Variants in B3GNT5 observed in about 807,000 individuals in gnomAD.
The protein encoded by B3GNT5 is lactosylceramide 1,3-N-acetyl-beta-D-glucosaminyltransferase.
B3GNT5 carries 11 observed loss-of-function variants against 25.9 expected under a neutral mutation model. That is an observed-to-expected ratio of 0.42 (90% CI 0.27 to 0.70). The LOEUF (loss-of-function observed/expected upper bound fraction) is 0.70, where lower values mean the gene tolerates loss of function less well. Ranked by LOEUF, B3GNT5 falls within the 30% of genes least tolerant of loss-of-function variation. The pLI is 0.23. For synonymous variants in B3GNT5, 166 were observed against 158.6 expected, an observed-to-expected ratio of 1.05 and a Z score of -0.35; for missense variants, 385 against 458.4, an observed-to-expected ratio of 0.84 and a Z score of 1.46.
rs866378772 is a variant in B3GNT5, at chr3:183,269,719, C to T, written c.-80C>T. Reference sequence around the variant, plus strand: ...TGTATTAAGATGGACACCTACTCTACGAAACACGAAGTTCTATGGTCTCGA... The same window carrying T: ...TGTATTAAGATGGACACCTACTCTATGAAACACGAAGTTCTATGGTCTCGA... On this transcript the variant is annotated 5_prime_UTR_variant, in exon 2 of 2. It adds an upstream start codon to the 5' untranslated region. Transcript: ENST00000326505. The T allele has an allele frequency of 4.5e-5, 60 of 1,327,236 alleles. No homozygotes were observed. The highest frequency in any genetic ancestry group is 1.4e-4 in the East Asian group (6 of 43,104). 82.2% of individuals were successfully genotyped at this position (1,327,236 alleles called of 1,614,324 possible).
At position 183,272,824 on chromosome 3, in the gene B3GNT5, T is replaced by C. The variant is rs935424718; in HGVS notation, c.*1889T>C. Reference sequence around the variant, plus strand: ...TACTTGGAAGTGTTTAAGGTTGCCATTGGTTGAAAACATAAGTGTCTCTGG... The same window carrying C: ...TACTTGGAAGTGTTTAAGGTTGCCACTGGTTGAAAACATAAGTGTCTCTGG... On this transcript the variant is annotated 3_prime_UTR_variant, in exon 2 of 2. Coordinates refer to ENST00000326505, the MANE Select transcript of B3GNT5 (RefSeq NM_032047.5). 146 of 1,218,434 alleles carry C rather than the reference T, an allele frequency of 1.2e-4. No individual in the cohort carries two copies. The highest frequency in any genetic ancestry group is 1.4e-4 in the Non-Finnish European group (140 of 966,870). 75.5% of individuals were successfully genotyped at this position (1,218,434 alleles called of 1,614,324 possible). A position where few individuals can be genotyped will look rare whatever the true frequency, so the allele number is the denominator to read the frequency against.
intron 1 of B3GNT5, among the ~76,000 whole-genome samples, chr3:183,262,629 A>G (rs140996846): frequency 6.7e-6 from 1 of 149,748 alleles, no homozygotes; most frequent in Non-Finnish European, 1.5e-5. Flanking sequence ...GCCCATGAGG[A>G]GGCGGCCCAG....
In B3GNT5 at chr3:183,270,120, A is replaced by C. The variant is rs1203698833; in HGVS notation, c.322A>C (p.Arg108=). The C allele has an allele frequency of 6.2e-7, 1 of 1,614,230 alleles. No homozygotes were observed. The highest frequency in any genetic ancestry group is 8.5e-7 in the Non-Finnish European group (1 of 1,180,038). The part of the protein sequence containing the change: ...PENYDRRSGI[R]RTWGNENYVR... ...AAACTATGATCGACGTTCCGGAATT[A>C]GAAGGACGTGGGGCAATGAAAATTA... The change falls in exon 2 of 2, where the codon AGA becomes CGA. Residue 108 remains arginine (R), a synonymous_variant. Coordinates refer to ENST00000326505, the MANE Select transcript of B3GNT5 (RefSeq NM_032047.5). This position sits in a 1 kb window ranked among gnomAD's most constrained non-coding sequence, Gnocchi z 4.5.
chr3:183,270,517 C>G lies in B3GNT5; in HGVS notation c.719C>G (p.Ser240Cys). ...IRDKSSKYYV[S>C]YEMYQWPAYP... is the part of the protein sequence containing the mutation. Reference sequence around the variant, plus strand: ...GATAAAAGCAGCAAATACTACGTGTCCTATGAAATGTACCAGTGGCCAGCT... The same window carrying G: ...GATAAAAGCAGCAAATACTACGTGTGCTATGAAATGTACCAGTGGCCAGCT... Residue 240 changes from serine to cysteine, a missense_variant, in exon 2 of 2, where the codon TCC (serine) becomes TGC (cysteine). By Grantham distance (112) the Ser-to-Cys change is moderately radical (BLOSUM62 -1). Transcript: ENST00000326505. This position sits in a 1 kb window ranked among gnomAD's most constrained non-coding sequence, Gnocchi z 4.5. 6.2e-7 allele frequency: 1 copy of G among 1,614,146 alleles called. No individual in the cohort carries two copies. The highest frequency in any genetic ancestry group is 8.5e-7 in the Non-Finnish European group (1 of 1,180,014).
rs528156182 is a variant in B3GNT5 at position 183,272,775 on chromosome 3, G to T, written c.*1840G>T. 10 of 1,109,890 alleles carry T rather than the reference G, an allele frequency of 9.0e-6. No individual in the cohort carries two copies. The South Asian group carries it at 3.4e-4, about 38-fold the overall frequency. 68.8% of individuals were successfully genotyped at this position (1,109,890 alleles called of 1,614,324 possible). The stretch of plus-strand genomic sequence containing the variant: ...ATTGATTAATGATGTATTGCCTTTT[G>T]CCCATATATACCCTGTGTATCTATA... On this transcript the variant is annotated 3_prime_UTR_variant, in exon 2 of 2. Transcript: ENST00000326505.
Position 183,270,916 on chromosome 3 carries a change from G to T in B3GNT5, c.1118G>T (p.Cys373Phe). 6.3e-7 allele frequency: 1 copy of T among 1,582,354 alleles called. No homozygotes were observed. The highest frequency in any genetic ancestry group is 8.6e-7 in the Non-Finnish European group (1 of 1,167,772). Residue 373 changes from cysteine to phenylalanine, a missense_variant, in exon 2 of 2, where the codon TGT becomes TTT. Transcript: ENST00000326505. This position sits in a 1 kb window ranked among gnomAD's most constrained non-coding sequence, Gnocchi z 4.5. ...CKISYVDTYP[C>F]RAAFI is the part of the protein sequence containing the mutation. ...ATTAGCTATGTGGACACATACCCTTGTAGGGCTGCGTTTATCTAATAGTAC... is the reference window on the plus strand; with the variant it reads ...ATTAGCTATGTGGACACATACCCTTTTAGGGCTGCGTTTATCTAATAGTAC...
Position 183,273,361 on chromosome 3 carries a change from T to G in B3GNT5, c.*2426T>G, listed in dbSNP as rs1028674688. On this transcript the variant is annotated 3_prime_UTR_variant, in exon 2 of 2. Transcript: ENST00000326505. Reference sequence around the variant, plus strand: ...TAGTGAGTTTAAAAAAAATCTATAGTTTCCAATAAACAACTGAAAAATTAT... The same window carrying G: ...TAGTGAGTTTAAAAAAAATCTATAGGTTCCAATAAACAACTGAAAAATTAT... 4.6e-6 allele frequency: 1 copy of G among 216,528 alleles called. No homozygotes were observed. The highest frequency in any genetic ancestry group is 2.3e-5 in the African/African-American group (1 of 43,526). 13.4% of individuals were successfully genotyped at this position (216,528 alleles called of 1,614,324 possible). A position where few individuals can be genotyped will look rare whatever the true frequency, so the allele number is the denominator to read the frequency against.
Position 183,269,726 on chromosome 3 carries a change from C to T in B3GNT5, c.-73C>T. 2.2e-6 allele frequency: 3 copies of T among 1,377,380 alleles called. No homozygotes were observed. Among genetic ancestry groups the T allele is most frequent in the Non-Finnish European group, 3.0e-6 (3 of 1,009,314 alleles). 85.3% of individuals were successfully genotyped at this position (1,377,380 alleles called of 1,614,324 possible). ...AGATGGACACCTACTCTACGAAACACGAAGTTCTATGGTCTCGAAGAAGCC... is the reference window on the plus strand; with the variant it reads ...AGATGGACACCTACTCTACGAAACATGAAGTTCTATGGTCTCGAAGAAGCC... On this transcript the variant is annotated 5_prime_UTR_variant, in exon 2 of 2. The change creates a new upstream start codon in the 5' untranslated region. Coordinates refer to ENST00000326505, the MANE Select transcript of B3GNT5 (RefSeq NM_032047.5).
chr3:183,263,649 A>AT (rs1333351360), intron 1 of B3GNT5, among the ~76,000 whole-genome samples: 1 of 151,932 alleles, frequency 6.6e-6, no homozygotes, highest in African/African-American at 2.4e-5. Context: ...ACCCACCTGG[A>AT]TCTCTCCAGT....
chr3:183,255,920 A>G (rs1413838540), intron 1 of B3GNT5, among the ~76,000 whole-genome samples: 1 of 152,124 alleles, frequency 6.6e-6, no homozygotes, highest in Non-Finnish European at 1.5e-5. Flanking sequence ...CACTTTGGCT[A>G]GAATCATTGC....
chr3:183,257,974 T>TC (rs1313320434), intron 1 of B3GNT5, among the ~76,000 whole-genome samples: 1 of 139,652 alleles, frequency 7.2e-6, no homozygotes, highest in Non-Finnish European at 1.5e-5. Context: ...TTTTTTTTTT[T>TC]TTTTTTTTTT....
Position 183,271,068 on chromosome 3 carries a change from T to C in B3GNT5, c.*133T>C. 1.2e-6 allele frequency: 1 copy of C among 805,816 alleles called. No individual in the cohort carries two copies. Among genetic ancestry groups the C allele is most frequent in the Non-Finnish European group, 1.9e-6 (1 of 539,582 alleles). The allele number at this position is 805,816 out of a possible 1,614,324, so 49.9% of individuals were successfully genotyped here. The stretch of plus-strand genomic sequence containing the variant: ...ATTTTGAAAGCCTAGTCCATCAGAA[T>C]GTTTCTTTGATTCTAGAAGCTGTTT... On this transcript the variant is annotated 3_prime_UTR_variant, in exon 2 of 2. Coordinates refer to ENST00000326505, the MANE Select transcript of B3GNT5 (RefSeq NM_032047.5).
Position 183,272,370 on chromosome 3 carries a change from G to T in B3GNT5, c.*1435G>T, listed in dbSNP as rs1476844304. On this transcript the variant is annotated 3_prime_UTR_variant, in exon 2 of 2. Transcript: ENST00000326505. ...TCACTCTAAGGCCTTTGACTGCAGAGGCACCTGTTAGGGAAAATCAGATGT... is the reference window on the plus strand; with the variant it reads ...TCACTCTAAGGCCTTTGACTGCAGATGCACCTGTTAGGGAAAATCAGATGT... 10 of 1,000,112 alleles carry T rather than the reference G, an allele frequency of 1.0e-5. No homozygotes were observed. Among genetic ancestry groups the T allele is most frequent in the Non-Finnish European group, 1.2e-5 (10 of 830,006 alleles). 62.0% of individuals were successfully genotyped at this position (1,000,112 alleles called of 1,614,324 possible). A position where few individuals can be genotyped will look rare whatever the true frequency, so the allele number is the denominator to read the frequency against.
In B3GNT5 at chr3:183,269,691, A is replaced by G. The variant is rs11928043; in HGVS notation, c.-108A>G. 7,224 of 965,380 alleles carry G rather than the reference A, an allele frequency of 7.5e-3. 277 individuals are homozygous for G. The African/African-American group carries it at 0.092, about 12-fold the overall frequency. 59.8% of individuals were successfully genotyped at this position (965,380 alleles called of 1,614,324 possible). ...AGAAGACTTCCATTTTTAATGACCA[A>G]CATGTATTAAGATGGACACCTACTC... On this transcript the variant is annotated 5_prime_UTR_variant, in exon 2 of 2. Coordinates refer to ENST00000326505, the MANE Select transcript of B3GNT5 (RefSeq NM_032047.5).
chr3:183,263,131 A>C (rs1238613424), intron 1 of B3GNT5, among the ~76,000 whole-genome samples: 2 of 152,128 alleles, frequency 1.3e-5, no homozygotes, highest in Admixed American at 1.3e-4. Flanking sequence ...GAGGTCTCAG[A>C]AGAAATGCAG....
At chr3:183,263,952 C>A (rs1320229036) in intron 1 of B3GNT5, among the ~76,000 whole-genome samples, 1 of 152,110 alleles carries the variant, frequency 6.6e-6, no homozygotes, top group Admixed American at 6.5e-5. Flanking sequence ...ACTAGGCCTT[C>A]CTCACCTCAT....
At position 183,269,230 on chromosome 3, in the gene B3GNT5, C is replaced by CT. The variant is rs60835895; in HGVS notation, c.-301-250dup. On this transcript the variant is annotated intron_variant, in intron 1 of 1. Coordinates refer to ENST00000326505, the MANE Select transcript of B3GNT5 (RefSeq NM_032047.5). The stretch of plus-strand genomic sequence containing the variant: ...TACACGATTATAGCCGTTTGGGAAG[C>CT]TTTTTTTTTTTTTTTTTTAAGAGTA... 5.1e-3 allele frequency among the ~76,000 whole-genome samples: 415 copies of CT among 80,978 alleles called. 24 individuals carry two copies. The highest frequency in any genetic ancestry group is 9.3e-3 in the African/African-American group (146 of 15,758). 53.1% of individuals were successfully genotyped at this position (80,978 alleles called of 152,430 possible). A position where few individuals can be genotyped will look rare whatever the true frequency, so the allele number is the denominator to read the frequency against.
chr3:183,256,923 T>C (rs918907772), intron 1 of B3GNT5, among the ~76,000 whole-genome samples: 6 of 152,270 alleles, frequency 3.9e-5, no homozygotes, highest in African/African-American at 1.2e-4. Flanking sequence ...ATGATACTTC[T>C]GCCTCAACAG....
At position 183,263,965 on chromosome 3, in the gene B3GNT5, G is replaced by A. The variant is rs182413356; in HGVS notation, c.-301-5533G>A. The stretch of plus-strand genomic sequence containing the variant: ...CGACTAGGCCTTCCTCACCTCATCC[G>A]GCATCAGTGTGAGCCCTTGAGAAAC... On this transcript the variant is annotated intron_variant, in intron 1 of 1. Transcript: ENST00000326505. Among the ~76,000 whole-genome samples, 39 of 152,068 alleles carry A rather than the reference G, an allele frequency of 2.6e-4. No homozygotes were observed. In the East Asian group the frequency reaches 3.5e-3, roughly 14 times the overall value.
Sources: allele counts gnomAD v4.1 joint callset (sites outside exome capture counted in the v4.1 genomes callset), GRCh38; gene constraint gnomAD v4.1.1; non-coding constraint Gnocchi (gnomAD v3.1); transcripts MANE v1.5; gene names NCBI Gene and HGNC (gene_info 2026-07-23, HGNC 2026-07-21).